GALNT7: variants seen among roughly 807,000 people sequenced by gnomAD.
The protein encoded by GALNT7 is polypeptide N-acetylgalactosaminyltransferase 7, also known as N-acetylgalactosaminyltransferase 7.
A neutral mutation model predicts 82.1 loss-of-function variants in GALNT7; 60 were observed. The observed-to-expected ratio is 0.73, with a 90% CI of 0.59 to 0.91. The LOEUF (loss-of-function observed/expected upper bound fraction) is 0.91, where lower values mean the gene tolerates loss of function less well. Among genes scored for constraint, GALNT7 ranks in the 40% least tolerant of loss-of-function variants. The probability of loss-of-function intolerance (pLI) is 0.00; values close to 1 mark genes in which losing one functional copy is unlikely to be tolerated. For missense variants in GALNT7, 660 were observed against 804.2 expected (o/e 0.82, Z 2.17); for synonymous variants, 243 against 275.1 (o/e 0.88, Z 1.15).
At chr4:173,245,463 A>G (rs1013939449) in intron 1 of GALNT7, among the ~76,000 whole-genome samples, 7 of 152,150 alleles carry the variant, frequency 4.6e-5, no homozygotes, top group Non-Finnish European at 8.8e-5. Context: ...TGCTATGGCT[A>G]TGGATGCTGA....
At chr4:173,183,699 GC>G (rs528449674) in intron 1 of GALNT7, among the ~76,000 whole-genome samples, 5 of 151,438 alleles carry the variant, frequency 3.3e-5, no homozygotes, top group African/African-American at 7.3e-5. Flanking sequence ...GGGCAGAAGC[GC>G]CCCCCCACCT....
At chr4:173,182,870 TTTAAA>T (rs1221378021) in intron 1 of GALNT7, among the ~76,000 whole-genome samples, 10 of 136,646 alleles carry the variant, frequency 7.3e-5, no homozygotes, top group East Asian at 2.2e-4. Context: ...ACCTGATTCT[TTTAAA>T]TTAAAGATAA....
intron 2 of GALNT7, among the ~76,000 whole-genome samples, chr4:173,260,698 T>TG (rs1270679528): frequency 6.6e-6 from 1 of 152,234 alleles, no homozygotes; most frequent in African/African-American, 2.4e-5. Flanking sequence ...TTTATGTTTG[T>TG]TATTGTGCCT....
In GALNT7 at chr4:173,210,140, A is replaced by G. The variant is rs577964624; in HGVS notation, c.127-37840A>G. 2.9e-4 allele frequency among the ~76,000 whole-genome samples: 44 copies of G among 150,436 alleles called. 1 individual carries two copies. The East Asian group carries it at 5.5e-3, about 19-fold the overall frequency. The stretch of plus-strand genomic sequence containing the variant: ...CAGAGCGAGACTCCGTCTCAAAAAA[A>G]GAAAAAAAAAAAAAGAAATACTTAT... On this transcript the variant is annotated intron_variant, in intron 1 of 11. Coordinates refer to ENST00000265000, the MANE Select transcript of GALNT7 (RefSeq NM_017423.3).
intron 2 of GALNT7, among the ~76,000 whole-genome samples, chr4:173,288,140 A>G (rs374216415): frequency 0.03 from 4,575 of 150,534 alleles, 234 homozygotes; most frequent in African/African-American, 0.11. Flanking sequence ...AAAATTAGCC[A>G]GGCCTGGTAG....
At chr4:173,272,053 G>A (rs1735747317) in intron 2 of GALNT7, among the ~76,000 whole-genome samples, 1 of 152,116 alleles carries the variant, frequency 6.6e-6, no homozygotes, top group African/African-American at 2.4e-5. Flanking sequence ...TATTTCAAGA[G>A]GACAAATTCC....
At chr4:173,286,609 C>T (rs1292322044) in intron 2 of GALNT7, among the ~76,000 whole-genome samples, 1 of 152,242 alleles carries the variant, frequency 6.6e-6, no homozygotes, top group Non-Finnish European at 1.5e-5. Flanking sequence ...AGCATAGAGA[C>T]TGAATGCTTT....
rs1256719701 is a variant in GALNT7 at position 173,317,579 on chromosome 4, G to A, written c.1609-55G>A. 5.8e-6 allele frequency: 6 copies of A among 1,040,754 alleles called. No individual in the cohort carries two copies. In the East Asian group the frequency reaches 1.4e-4, roughly 25 times the overall value. The allele number at this position is 1,040,754 out of a possible 1,614,324, so 64.5% of individuals were successfully genotyped here. Reference sequence around the variant, plus strand: ...TGAAATGTTAAATTCTGATGCCAGAGTTCATCAAAAACTAAACTGTTGCCT... The same window carrying A: ...TGAAATGTTAAATTCTGATGCCAGAATTCATCAAAAACTAAACTGTTGCCT... On this transcript the variant is annotated intron_variant, in intron 9 of 11. Coordinates refer to ENST00000265000, the MANE Select transcript of GALNT7 (RefSeq NM_017423.3).
At chr4:173,245,523 T>A (rs143364734) in intron 1 of GALNT7, among the ~76,000 whole-genome samples, 1 of 152,292 alleles carries the variant, frequency 6.6e-6, no homozygotes, top group East Asian at 1.9e-4. Flanking sequence ...AACATTTCCT[T>A]ACCTCCCTGT....
intron 1 of GALNT7, among the ~76,000 whole-genome samples, chr4:173,171,879 C>T (rs1561139952): frequency 6.6e-6 from 1 of 152,174 alleles, no homozygotes. Context: ...AATTGTGCTA[C>T]TGCTTTCATA....
At chr4:173,307,981 G>A (rs1203869492) in intron 8 of GALNT7, among the ~76,000 whole-genome samples, 1 of 152,222 alleles carries the variant, frequency 6.6e-6, no homozygotes, top group South Asian at 2.1e-4. Flanking sequence ...CCTCTAGGGA[G>A]CAGGCCTCTG....
intron 8 of GALNT7, among the ~76,000 whole-genome samples, chr4:173,307,325 A>G (rs181318419): frequency 3.2e-4 from 48 of 152,362 alleles, no homozygotes; most frequent in Admixed American, 1.9e-3. Context: ...TAAAAACCCC[A>G]GGACTTAGGG....
chr4:173,280,209 C>T (rs1482710131), intron 2 of GALNT7, among the ~76,000 whole-genome samples: 1 of 152,150 alleles, frequency 6.6e-6, no homozygotes. Flanking sequence ...AAAGCATGCA[C>T]ACACACATTA....
chr4:173,246,668 A>T (rs1300614473), intron 1 of GALNT7, among the ~76,000 whole-genome samples: 1 of 152,196 alleles, frequency 6.6e-6, no homozygotes, highest in East Asian at 1.9e-4. Flanking sequence ...GACTTTCTAT[A>T]AAGGTTTTTG....
intron 1 of GALNT7, among the ~76,000 whole-genome samples, chr4:173,223,014 A>T (rs1425972760): frequency 6.6e-6 from 1 of 152,196 alleles, no homozygotes; most frequent in Non-Finnish European, 1.5e-5. Context: ...CACAATAAGA[A>T]TCCTAAAAAA....
intron 1 of GALNT7, among the ~76,000 whole-genome samples, chr4:173,178,581 C>T (rs1223619086): frequency 6.6e-6 from 1 of 152,170 alleles, no homozygotes; most frequent in Admixed American, 6.5e-5. Flanking sequence ...CTGGGCTTCC[C>T]AGCCTTGGAA....
intron 1 of GALNT7, among the ~76,000 whole-genome samples, chr4:173,220,902 T>C (rs1168027493): frequency 6.6e-6 from 1 of 152,086 alleles, no homozygotes; most frequent in Admixed American, 6.6e-5. Flanking sequence ...AGTCTATCAT[T>C]GTTGGACATT....
intron 1 of GALNT7, among the ~76,000 whole-genome samples, chr4:173,193,063 G>A (rs1454019326): frequency 6.6e-6 from 1 of 152,188 alleles, no homozygotes; most frequent in Non-Finnish European, 1.5e-5. Context: ...TATAGAGAAA[G>A]GAGTGAAGTA....
intron 2 of GALNT7, 94 bp downstream of exon 2, chr4:173,248,534 A>G: frequency 1.3e-6 from 1 of 760,936 alleles, no homozygotes; most frequent in South Asian, 1.8e-5. Context: ...AGAAATAATT[A>G]TTGATGCCTT....
Sources: allele counts gnomAD v4.1 joint callset (sites outside exome capture counted in the v4.1 genomes callset), GRCh38; gene constraint gnomAD v4.1.1; transcripts MANE v1.5; gene names NCBI Gene and HGNC (gene_info 2026-07-23, HGNC 2026-07-21).